Variants in ANGPT1 observed in about 807,000 individuals in gnomAD.
The protein encoded by ANGPT1 is angiopoietin-1.
ANGPT1 carries 17 observed loss-of-function variants against 62.2 expected under a neutral mutation model. That is an observed-to-expected ratio of 0.27 (90% CI 0.19 to 0.41). The LOEUF is 0.41. ANGPT1 is among the 10% of genes least tolerant of loss of function. The pLI is 1.00. For missense variants in ANGPT1, 478 were observed against 594.9 expected (o/e 0.80, Z 2.04); for synonymous variants, 199 against 198.9 (o/e 1.00, Z 0.00).
At chr8:107,260,734 T>A (rs1399395098) in intron 8 of ANGPT1, among the ~76,000 whole-genome samples, 1 of 152,212 alleles carries the variant, frequency 6.6e-6, no homozygotes, top group Non-Finnish European at 1.5e-5. Context: ...GATAAGGTAA[T>A]GGCGTTTATT....
intron 5 of ANGPT1, among the ~76,000 whole-genome samples, chr8:107,301,786 G>A (rs1410638082): frequency 4.0e-5 from 6 of 151,820 alleles, no homozygotes; most frequent in Admixed American, 6.6e-5. Context: ...TTTTGTCCCA[G>A]CAAAGGGGAA....
At chr8:107,442,556 G>A (rs374329761) in intron 1 of ANGPT1, among the ~76,000 whole-genome samples, 1 of 152,054 alleles carries the variant, frequency 6.6e-6, no homozygotes, top group Non-Finnish European at 1.5e-5. Flanking sequence ...CAAAAGTGTG[G>A]GTTGCTTCTC....
At chr8:107,371,412 A>C (rs951695336) in intron 1 of ANGPT1, among the ~76,000 whole-genome samples, 4 of 151,978 alleles carry the variant, frequency 2.6e-5, no homozygotes, top group African/African-American at 9.7e-5. Flanking sequence ...ATCACATCTC[A>C]TTGGAAGTTG....
At chr8:107,419,237 G>C (rs1292201602) in intron 1 of ANGPT1, among the ~76,000 whole-genome samples, 2 of 152,032 alleles carry the variant, frequency 1.3e-5, no homozygotes, top group South Asian at 2.1e-4. Flanking sequence ...AAGCAAGAAG[G>C]TTTCTCTGAC....
chr8:107,376,794 C>CTAT lies in ANGPT1; in HGVS notation c.298-29700_298-29698dup, dbSNP rs199501869. Among the ~76,000 whole-genome samples, 1,174 of 152,168 alleles carry CTAT rather than the reference C, an allele frequency of 7.7e-3. 20 individuals carry two copies. The highest frequency in any genetic ancestry group is 0.027 in the African/African-American group (1,105 of 41,508). On this transcript the variant is annotated intron_variant, in intron 1 of 8. Coordinates refer to ENST00000517746, the MANE Select transcript of ANGPT1 (RefSeq NM_001146.5). ...ACTAAATTCCAAAATTTTTACATAT[C>CTAT]TATTATTATTATTGGAAACATTATT... is the stretch of plus-strand genomic sequence containing the variant.
intron 1 of ANGPT1, among the ~76,000 whole-genome samples, chr8:107,469,505 G>A (rs1426764023): frequency 2.0e-5 from 3 of 151,980 alleles, no homozygotes; most frequent in African/African-American, 4.8e-5. Flanking sequence ...AGAACAAATT[G>A]TTATGAACCA....
Position 107,346,976 on chromosome 8 carries a change from T to C in ANGPT1, c.419A>G (p.Glu140Gly), listed in dbSNP as rs1489993198. Reference sequence around the variant, plus strand: ...AACATCTGTCAGCTTTCTGGTCTGCTCTGCAGTCTGAGAGAGGAGGCTGGT... The same window carrying C: ...AACATCTGTCAGCTTTCTGGTCTGCCCTGCAGTCTGAGAGAGGAGGCTGGT... Reference protein sequence around the residue: ...IGTSLLSQTAEQTRKLTDVET... With the variant: ...IGTSLLSQTAGQTRKLTDVET... The change falls in exon 2 of 9, where the codon GAG (glutamate) becomes GGG (glycine). Residue 140 changes from glutamate to glycine, a missense_variant. Physicochemically the swap from Glu to Gly is moderately conservative, Grantham distance 98. Transcript: ENST00000517746. 6.2e-7 allele frequency: 1 copy of C among 1,613,874 alleles called. No homozygotes were observed. Among genetic ancestry groups the C allele is most frequent in the Admixed American group, 1.7e-5 (1 of 59,996 alleles).
chr8:107,363,375 A>T (rs879402033), intron 1 of ANGPT1, among the ~76,000 whole-genome samples: 17 of 152,364 alleles, frequency 1.1e-4, no homozygotes, highest in Non-Finnish European at 2.2e-4. Context: ...CTGCATATAC[A>T]GTTATCAATA....
intron 1 of ANGPT1, among the ~76,000 whole-genome samples, chr8:107,370,752 G>A (rs1816392180): frequency 7.1e-6 from 1 of 141,774 alleles, no homozygotes. Context: ...AAGAAAAGAA[G>A]GAAGGAAGGA....
Position 107,347,997 on chromosome 8 carries a change from C to T in ANGPT1, c.298-900G>A, listed in dbSNP as rs561497951. 2.6e-5 allele frequency among the ~76,000 whole-genome samples: 4 copies of T among 152,214 alleles called. No homozygotes were observed. The South Asian group carries it at 8.3e-4, about 32-fold the overall frequency. On this transcript the variant is annotated intron_variant, in intron 1 of 8. Coordinates refer to ENST00000517746, the MANE Select transcript of ANGPT1 (RefSeq NM_001146.5). Reference sequence around the variant, plus strand: ...GCATTGTTTGAAAAATACAAGGAAACCTGCACCTCCCTGTCAGTGCATTTA... The same window carrying T: ...GCATTGTTTGAAAAATACAAGGAAATCTGCACCTCCCTGTCAGTGCATTTA...
At chr8:107,444,562 A>G (rs1398154091) in intron 1 of ANGPT1, among the ~76,000 whole-genome samples, 4 of 152,204 alleles carry the variant, frequency 2.6e-5, no homozygotes, top group Admixed American at 6.5e-5. Context: ...GCAAAATTGT[A>G]TAGGTTTCCA....
chr8:107,459,880 A>T (rs1812021003), intron 1 of ANGPT1, among the ~76,000 whole-genome samples: 1 of 152,172 alleles, frequency 6.6e-6, no homozygotes, highest in African/African-American at 2.4e-5. Context: ...CTCATTTTCA[A>T]TGTTCTGCCC....
chr8:107,427,969 G>A (rs1275747851), intron 1 of ANGPT1, among the ~76,000 whole-genome samples: 3 of 152,150 alleles, frequency 2.0e-5, no homozygotes, highest in African/African-American at 7.2e-5. Flanking sequence ...CGTCCACCTG[G>A]TGAGTAGATC....
intron 1 of ANGPT1, among the ~76,000 whole-genome samples, chr8:107,366,243 G>A (rs1816271089): frequency 6.6e-6 from 1 of 152,172 alleles, no homozygotes; most frequent in Admixed American, 6.5e-5. Context: ...CATGGACAAA[G>A]CATCTGAGAT....
chr8:107,347,710 T>C lies in ANGPT1; in HGVS notation c.298-613A>G, dbSNP rs1395924132. On this transcript the variant is annotated intron_variant, in intron 1 of 8. Transcript: ENST00000517746. ...GAATATTAAAATATAGGCAATGATA[T>C]ATGAAATGAGCTGCAAAGCCTGAGA... Among the ~76,000 whole-genome samples the C allele has an allele frequency of 3.9e-5, 6 of 152,260 alleles. No individual in the cohort carries two copies. The South Asian group carries it at 8.3e-4, about 21-fold the overall frequency.
At chr8:107,489,539 T>TGAAGGAA (rs1485719229) in intron 1 of ANGPT1, among the ~76,000 whole-genome samples, 1 of 152,176 alleles carries the variant, frequency 6.6e-6, no homozygotes, top group Non-Finnish European at 1.5e-5. Context: ...TTCATTTGCT[T>TGAAGGAA]GAAGGAAAAA....
intron 1 of ANGPT1, among the ~76,000 whole-genome samples, chr8:107,411,749 A>G (rs990934786): frequency 3.9e-5 from 6 of 152,202 alleles, no homozygotes; most frequent in Admixed American, 1.3e-4. Flanking sequence ...ATTGGCTCAG[A>G]TCACTGGGAG....
chr8:107,310,036 A>G (rs1221439169), intron 4 of ANGPT1, among the ~76,000 whole-genome samples: 1 of 152,178 alleles, frequency 6.6e-6, no homozygotes, highest in Admixed American at 6.5e-5. Flanking sequence ...TTTTAATTAA[A>G]CATTTTTAAA....
chr8:107,422,037 G>C (rs989043156), intron 1 of ANGPT1, among the ~76,000 whole-genome samples: 3 of 152,078 alleles, frequency 2.0e-5, no homozygotes, highest in African/African-American at 7.2e-5. Context: ...ATTCTATAGA[G>C]AGTAAGAAAG....
Sources: allele counts gnomAD v4.1 joint callset (sites outside exome capture counted in the v4.1 genomes callset), GRCh38; gene constraint gnomAD v4.1.1; transcripts MANE v1.5; gene names NCBI Gene and HGNC (gene_info 2026-07-23, HGNC 2026-07-21).